The following C2orf49 variants were observed in gnomAD, a reference collection of about 807,000 sequenced individuals.
C2orf49 encodes the protein tRNA-splicing ligase complex subunit ASW.
Under a neutral mutation model 20.6 loss-of-function variants are expected in C2orf49, and 11 were observed. That is an observed-to-expected ratio of 0.53 (90% confidence interval 0.34 to 0.88). The LOEUF (loss-of-function observed/expected upper bound fraction) is 0.88, where lower values mean the gene tolerates loss of function less well. Ranked by LOEUF, C2orf49 falls within the 40% of genes least tolerant of loss-of-function variation. C2orf49 has a pLI of 0.02. For synonymous variants in C2orf49, 134 were observed against 108.5 expected (o/e 1.24, Z -1.46); for missense variants, 289 against 274.2 (o/e 1.05, Z -0.38).
rs1043329320 is a variant in C2orf49 at position 105,347,666 on chromosome 2, G to A, written c.*2295G>A. 7.2e-5 allele frequency: 11 copies of A among 152,188 alleles called. No homozygotes were observed. Among genetic ancestry groups the A allele is most frequent in the African/African-American group, 2.4e-4 (10 of 41,452 alleles). 9.4% of individuals were successfully genotyped at this position (152,188 alleles called of 1,614,324 possible). On this transcript the variant is annotated 3_prime_UTR_variant, in exon 4 of 4. Coordinates refer to ENST00000258457, the MANE Select transcript of C2orf49 (RefSeq NM_024093.3). ...TCTTAGAGCTTTGTTCCTTCTGAAGGTGTATAGATACAGCTTGTCTTGAAA... is the reference window on the plus strand; with the variant it reads ...TCTTAGAGCTTTGTTCCTTCTGAAGATGTATAGATACAGCTTGTCTTGAAA...
rs932254146 is a variant in C2orf49, at chr2:105,346,977, C to G, written c.*1606C>G. On this transcript the variant is annotated 3_prime_UTR_variant, in exon 4 of 4. Coordinates refer to ENST00000258457, the MANE Select transcript of C2orf49 (RefSeq NM_024093.3). ...GATTGATCTTCAAATTGGGATTTACCTTTTTCAATATGTTTTAAAGTAGTC... is the reference window on the plus strand; with the variant it reads ...GATTGATCTTCAAATTGGGATTTACGTTTTTCAATATGTTTTAAAGTAGTC... The G allele has an allele frequency of 2.0e-5, 3 of 152,052 alleles. No homozygotes were observed. The highest frequency in any genetic ancestry group is 2.0e-4 in the Admixed American group (3 of 15,256). The allele number at this position is 152,052 out of a possible 1,614,324, so 9.4% of individuals were successfully genotyped here.
chr2:105,357,700 G>A, the C2orf49 span: 1 of 147,702 alleles, frequency 6.8e-6, no homozygotes, highest in Non-Finnish European at 1.5e-5. Flanking sequence ...TTGGAACTGT[G>A]TCAACTTTTT....
downstream of C2orf49, among the ~76,000 whole-genome samples, chr2:105,354,104 C>T (rs1679995260): frequency 6.6e-6 from 1 of 152,194 alleles, no homozygotes; most frequent in South Asian, 2.1e-4. Context: ...TAAAGTTCTG[C>T]TCTATTAACA....
chr2:105,378,446 G>A, the C2orf49 span: 89 of 285,070 alleles, frequency 3.1e-4, no homozygotes, highest in African/African-American at 1.9e-3. Context: ...GAACCATTTC[G>A]CCTTGGCTCC....
At chr2:105,351,805 T>A (rs57112798), downstream of C2orf49, among the ~76,000 whole-genome samples, 4,893 of 152,306 alleles carry the variant, frequency 0.032, 239 homozygotes, top group African/African-American at 0.11. Flanking sequence ...TGATTGCTAC[T>A]GGGGTGTCAT....
intron 2 of C2orf49, among the ~76,000 whole-genome samples, chr2:105,340,975 A>G (rs1479955246): frequency 6.6e-6 from 1 of 152,234 alleles, no homozygotes; most frequent in African/African-American, 2.4e-5. Flanking sequence ...TTATTCTCCA[A>G]TTATGAAGAA....
intron 2 of C2orf49, among the ~76,000 whole-genome samples, chr2:105,340,328 G>A (rs535168835): frequency 6.6e-6 from 1 of 152,278 alleles, no homozygotes; most frequent in South Asian, 2.1e-4. Context: ...TGTACATTTT[G>A]ACAAGATGAC....
chr2:105,364,195 G>C, the C2orf49 span, among the ~76,000 whole-genome samples: 2 of 152,164 alleles, frequency 1.3e-5, no homozygotes, highest in Admixed American at 6.5e-5. Context: ...AACAGAGGTT[G>C]CAGTGAGCCA....
At position 105,348,643 on chromosome 2, in the gene C2orf49, T is replaced by G. The variant is rs1050104669; in HGVS notation, c.*3272T>G. ...GTCAGAATGTTTTTAAGTGTGCTCTTTTATTACATGCTTGTGCAGGTTTTG... is the reference window on the plus strand; with the variant it reads ...GTCAGAATGTTTTTAAGTGTGCTCTGTTATTACATGCTTGTGCAGGTTTTG... On this transcript the variant is annotated 3_prime_UTR_variant, in exon 4 of 4. Transcript: ENST00000258457. 1.3e-5 allele frequency: 2 copies of G among 151,432 alleles called. No homozygotes were observed. Among genetic ancestry groups the G allele is most frequent in the Non-Finnish European group, 2.9e-5 (2 of 67,888 alleles). 9.4% of individuals were successfully genotyped at this position (151,432 alleles called of 1,614,324 possible).
the C2orf49 span, chr2:105,361,505 T>G: frequency 7.1e-7 from 1 of 1,398,700 alleles, no homozygotes; most frequent in Non-Finnish European, 9.9e-7. Context: ...AAGAAGGAAT[T>G]CTGGTTTGAT....
At chr2:105,374,856 T>C in the C2orf49 span, among the ~76,000 whole-genome samples, 6 of 152,252 alleles carry the variant, frequency 3.9e-5, no homozygotes, top group African/African-American at 1.2e-4. Flanking sequence ...ATCATCCATT[T>C]ATACATGAGG....
chr2:105,370,812 G>A, the C2orf49 span, among the ~76,000 whole-genome samples: 37 of 152,120 alleles, frequency 2.4e-4, no homozygotes, highest in African/African-American at 8.9e-4. Context: ...CGTTTCTTCT[G>A]GCAGAGGCAC....
the C2orf49 span, among the ~76,000 whole-genome samples, chr2:105,368,071 C>T: frequency 1.3e-5 from 2 of 152,162 alleles, no homozygotes; most frequent in East Asian, 3.9e-4. Context: ...AGAAGTGTGG[C>T]ATAGCTCCGA....
At chr2:105,367,842 G>C in the C2orf49 span, 1 of 1,196,128 alleles carries the variant, frequency 8.4e-7, no homozygotes, top group Non-Finnish European at 1.2e-6. Context: ...TTTATGACCA[G>C]AGCAAGCCAC....
the C2orf49 span, among the ~76,000 whole-genome samples, chr2:105,355,362 C>A: frequency 6.6e-6 from 1 of 152,074 alleles, no homozygotes; most frequent in African/African-American, 2.4e-5. Flanking sequence ...CTGGTGGTAG[C>A]CCATGTGTCT....
the C2orf49 span, among the ~76,000 whole-genome samples, chr2:105,365,762 T>C: frequency 6.6e-6 from 1 of 150,676 alleles, no homozygotes; most frequent in Non-Finnish European, 1.5e-5. Flanking sequence ...GGAGAATCAC[T>C]TGAACCCAGA....
the C2orf49 span, chr2:105,378,393 G>A: frequency 6.3e-5 from 22 of 348,186 alleles, no homozygotes; most frequent in African/African-American, 4.5e-4. Flanking sequence ...GCAAGGTGAA[G>A]GCCGCATTCT....
In C2orf49 at chr2:105,343,159, C is replaced by T. The variant is rs145174989; in HGVS notation, c.578C>T (p.Ser193Phe). 5.5e-5 allele frequency: 88 copies of T among 1,613,850 alleles called. No individual in the cohort carries two copies. In the African/African-American group the frequency reaches 1.0e-3, roughly 19 times the overall value. Residue 193 changes from serine (S) to phenylalanine (F), a missense_variant, in exon 3 of 4, where the codon TCC becomes TTC. Ser to Phe is a radical substitution (Grantham distance 155, BLOSUM62 -2). Coordinates refer to ENST00000258457, the MANE Select transcript of C2orf49 (RefSeq NM_024093.3). ...PSGPVKSPPL[S>F]PVGTTPVKLK... Reference sequence around the variant, plus strand: ...GGCCCTGTGAAGTCGCCACCATTGTCCCCTGTTGGAACTACTCCAGTGAAG... The same window carrying T: ...GGCCCTGTGAAGTCGCCACCATTGTTCCCTGTTGGAACTACTCCAGTGAAG...
At chr2:105,341,498 A>G (rs1679668755) in intron 2 of C2orf49, among the ~76,000 whole-genome samples, 1 of 152,246 alleles carries the variant, frequency 6.6e-6, no homozygotes, top group Admixed American at 6.5e-5. Flanking sequence ...GTCCATAGCA[A>G]CATAGCCCTG....
Sources: gnomAD v4.1 joint callset for allele counts (sites outside exome capture counted in the v4.1 genomes callset) on GRCh38, gnomAD v4.1.1 for gene constraint, MANE v1.5 for transcripts, NCBI Gene and HGNC (gene_info 2026-07-23, HGNC 2026-07-21) for gene names.